Variants in MPRIP observed in about 807,000 individuals in gnomAD.
MPRIP encodes myosin phosphatase Rho-interacting protein.
Under a neutral mutation model 234.9 loss-of-function variants are expected in MPRIP, and 59 were observed. That is an observed-to-expected ratio of 0.25 (90% CI 0.20 to 0.31). MPRIP has a LOEUF of 0.31. MPRIP is among the 10% of genes least tolerant of loss of function. MPRIP has a pLI of 1.00. For missense variants in MPRIP, 2,436 were observed against 3,071.0 expected, an observed-to-expected ratio of 0.79 and a Z score of 4.89; for synonymous variants, 1,144 against 1,263.9, an observed-to-expected ratio of 0.91 and a Z score of 2.01.
chr17:17,172,553 C>G, intron 17 of MPRIP, 145 bp from the exon 18 acceptor site: 1 of 619,864 alleles, frequency 1.6e-6, no homozygotes, highest in Non-Finnish European at 2.8e-6. Flanking sequence ...AGGGGCCAGC[C>G]TGTCATGCAA....
Position 17,172,670 on chromosome 17 carries a change from G to C in MPRIP, c.6473-28G>C, listed in dbSNP as rs200135703. 4.4e-6 allele frequency: 7 copies of C among 1,589,450 alleles called. No individual in the cohort carries two copies. In the South Asian group the frequency reaches 4.4e-5, roughly 10 times the overall value. ...GTCAGCAGGAAGGGCGTGGTCCCTC[G>C]GTGCTGAGGCCGTGTCCTTGCCTGC... On this transcript the variant is annotated intron_variant, in intron 17 of 23. Coordinates refer to ENST00000651222, the MANE Select transcript of MPRIP (RefSeq NM_001364716.4).
intron 3 of MPRIP, among the ~76,000 whole-genome samples, chr17:17,086,748 C>T (rs1197094971): frequency 6.6e-6 from 1 of 152,174 alleles, no homozygotes; most frequent in Non-Finnish European, 1.5e-5. Flanking sequence ...ACAAGTGACA[C>T]CCACTTTTTT....
intron 3 of MPRIP, among the ~76,000 whole-genome samples, chr17:17,122,564 A>G (rs1221620641): frequency 6.6e-6 from 1 of 152,194 alleles, no homozygotes; most frequent in Non-Finnish European, 1.5e-5. Flanking sequence ...CGTGTTAGCC[A>G]GGATGATCTC....
At position 17,165,985 on chromosome 17, in the gene MPRIP, T is replaced by C. The variant is rs2045985065; in HGVS notation, c.4394T>C (p.Leu1465Pro). The C allele has an allele frequency of 1.5e-6, 2 of 1,304,250 alleles. No individual in the cohort carries two copies. Among genetic ancestry groups the C allele is most frequent in the Non-Finnish European group, 2.0e-6 (2 of 988,938 alleles). The allele number at this position is 1,304,250 out of a possible 1,614,324, so 80.8% of individuals were successfully genotyped here. A position where few individuals can be genotyped will look rare whatever the true frequency, so the allele number is the denominator to read the frequency against. Residue 1465 changes from leucine (L) to proline (P), a missense_variant, in exon 16 of 24, where the codon CTT becomes CCT. By Grantham distance (98) the Leu-to-Pro change is moderately conservative. This residue lies in a region of MPRIP where 1,998 missense variants were observed against 2,520.3 expected (regional missense o/e 0.79). Transcript: ENST00000651222. ...ARRVEGHVGE[L>P]GDFQVKNSQA... ...AGGGTTGAAGGGCATGTTGGAGAGC[T>C]TGGGGACTTCCAGGTCAAGAATAGT...
rs752330927 is a variant in MPRIP, at chr17:17,184,905, T to A, written c.*11T>A. ...TTGAAGAAAGACTAGGTGTGTCCCA[T>A]CCAAGTTGAGCACGCGCCTTCCCCA... On this transcript the variant is annotated 3_prime_UTR_variant, in exon 24 of 24. Coordinates refer to ENST00000651222, the MANE Select transcript of MPRIP (RefSeq NM_001364716.4). The A allele has an allele frequency of 2.2e-5, 35 of 1,604,714 alleles. No homozygotes were observed. The highest frequency in any genetic ancestry group is 2.6e-5 in the Non-Finnish European group (30 of 1,173,288).
intron 1 of MPRIP, among the ~76,000 whole-genome samples, chr17:17,058,937 C>A (rs1315541632): frequency 6.6e-6 from 1 of 152,134 alleles, no homozygotes; most frequent in Non-Finnish European, 1.5e-5. Flanking sequence ...GAGTGGGTGG[C>A]TAGGTCAGCA....
intron 3 of MPRIP, among the ~76,000 whole-genome samples, chr17:17,111,328 T>A (rs533819250): frequency 0.027 from 4,046 of 149,940 alleles, 105 homozygotes; most frequent in East Asian, 0.12. Flanking sequence ...CAGGTGCCAG[T>A]GGCCTTGCCC....
chr17:17,149,739 T>G (rs2045557282), intron 11 of MPRIP: 1 of 146,962 alleles, frequency 6.8e-6, no homozygotes. Flanking sequence ...AAAATATATT[T>G]TATAATATAT....
chr17:17,151,667 A>C (rs144607348), intron 12 of MPRIP, among the ~76,000 whole-genome samples: 1 of 152,226 alleles, frequency 6.6e-6, no homozygotes, highest in Non-Finnish European at 1.5e-5. Flanking sequence ...GTCAGCATGA[A>C]GTGTTAGGTG....
intron 3 of MPRIP, among the ~76,000 whole-genome samples, chr17:17,104,083 A>G (rs557664115): frequency 3.3e-5 from 5 of 152,186 alleles, no homozygotes; most frequent in Admixed American, 2.6e-4. Flanking sequence ...TTTGTGTCAG[A>G]TATTCATGTG....
intron 18 of MPRIP, among the ~76,000 whole-genome samples, chr17:17,173,524 A>C (rs756028595): frequency 6.6e-4 from 100 of 152,246 alleles, no homozygotes; most frequent in Non-Finnish European, 1.3e-3. Flanking sequence ...GAACAGCCTC[A>C]GGAAGCTTGG....
chr17:17,122,847 C>CATA (rs1335899575), intron 3 of MPRIP, among the ~76,000 whole-genome samples: 2 of 152,204 alleles, frequency 1.3e-5, no homozygotes, highest in Non-Finnish European at 2.9e-5. Flanking sequence ...ATATAGTTTC[C>CATA]ATATGACCCA....
At chr17:17,131,775 GT>G in intron 5 of MPRIP, 74 bp downstream of exon 5, 2 of 1,364,292 alleles carry the variant, frequency 1.5e-6, no homozygotes, top group Non-Finnish European at 2.1e-6. Context: ...GCTCCCTGAG[GT>G]TAGAGGGTGA....
At chr17:17,154,519 T>C in intron 13 of MPRIP, 104 bp downstream of exon 13, 2 of 864,846 alleles carry the variant, frequency 2.3e-6, no homozygotes, top group South Asian at 1.4e-5. Flanking sequence ...CTGAGCTCAG[T>C]GCATCCCAGT....
intron 1 of MPRIP, among the ~76,000 whole-genome samples, chr17:17,063,310 G>A (rs2088922414): frequency 6.6e-6 from 1 of 152,218 alleles, no homozygotes; most frequent in African/African-American, 2.4e-5. Context: ...ACTTTGTACT[G>A]GGTGCTTCAC....
chr17:17,146,219 T>C, intron 10 of MPRIP, 127 bp downstream of exon 10: 1 of 807,194 alleles, frequency 1.2e-6, no homozygotes, highest in South Asian at 1.6e-5. Context: ...CTTGTCTTCA[T>C]GACCAGGGCT....
chr17:17,121,620 G>C (rs2090390437), intron 3 of MPRIP, among the ~76,000 whole-genome samples: 1 of 152,226 alleles, frequency 6.6e-6, no homozygotes, highest in African/African-American at 2.4e-5. Flanking sequence ...GGGGAAGGGG[G>C]AACACTGCAC....
intron 5 of MPRIP, among the ~76,000 whole-genome samples, chr17:17,135,147 C>T (rs1340246747): frequency 6.6e-6 from 1 of 152,242 alleles, no homozygotes; most frequent in Non-Finnish European, 1.5e-5. Flanking sequence ...CAGGATGTGA[C>T]CTGGCACTGC....
chr17:17,075,663 T>G, intron 1 of MPRIP, 47 bp from the exon 2 acceptor site: 1 of 1,534,934 alleles, frequency 6.5e-7, no homozygotes, highest in South Asian at 1.1e-5. Flanking sequence ...TGTTCTCTCT[T>G]CTGGGTTGAA....
Sources: allele counts gnomAD v4.1 joint callset (sites outside exome capture counted in the v4.1 genomes callset), GRCh38; gene constraint gnomAD v4.1.1; regional missense constraint gnomAD v4.1.1; transcripts MANE v1.5; gene names NCBI Gene and HGNC (gene_info 2026-07-23, HGNC 2026-07-21).